The following KIDINS220 variants were observed in gnomAD, a reference collection of about 807,000 sequenced individuals.
KIDINS220 encodes kinase D interacting substrate 220.
Under a neutral mutation model 157.6 loss-of-function variants are expected in KIDINS220, and 63 were observed. The observed-to-expected ratio is 0.40, with a 90% CI of 0.33 to 0.49. The LOEUF (loss-of-function observed/expected upper bound fraction) is 0.49, where lower values mean the gene tolerates loss of function less well. Ranked by LOEUF, KIDINS220 falls within the 20% of genes least tolerant of loss-of-function variation. The pLI, the probability that KIDINS220 is intolerant of heterozygous loss-of-function variation, is 0.66. For missense variants in KIDINS220, 1,772 were observed against 2,171.2 expected (o/e 0.82, Z 3.65); for synonymous variants, 732 against 783.6 (o/e 0.93, Z 1.10).
intron 2 of KIDINS220, 140 bp downstream of exon 2, chr2:8,826,846 C>T (rs1396111622): frequency 7.4e-6 from 3 of 404,472 alleles, no homozygotes; most frequent in Middle Eastern, 4.6e-4. Flanking sequence ...GTACTTTTAA[C>T]TATAAGACAT....
chr2:8,780,241 T>C (rs67993333), intron 17 of KIDINS220, among the ~76,000 whole-genome samples: 18,858 of 152,076 alleles, frequency 0.12, 1,244 homozygotes, highest in Middle Eastern at 0.26. Context: ...GTGGTTCAAT[T>C]TGCTATTTTT....
At chr2:8,808,825 A>G (rs1258087664) in intron 6 of KIDINS220, among the ~76,000 whole-genome samples, 1 of 152,012 alleles carries the variant, frequency 6.6e-6, no homozygotes, top group East Asian at 1.9e-4. Flanking sequence ...GTTCTAACAA[A>G]TTTTTCCAAC....
At chr2:8,799,563 C>T (rs1408058679) in intron 9 of KIDINS220, among the ~76,000 whole-genome samples, 1 of 152,216 alleles carries the variant, frequency 6.6e-6, no homozygotes, top group Non-Finnish European at 1.5e-5. Context: ...GCTAGGCAAT[C>T]AATCATATAC....
intron 8 of KIDINS220, among the ~76,000 whole-genome samples, chr2:8,802,066 G>C (rs1363622665): frequency 1.3e-5 from 2 of 152,308 alleles, no homozygotes; most frequent in South Asian, 2.1e-4. Flanking sequence ...AACAAGCTCA[G>C]TGCATTCAAG....
intron 2 of KIDINS220, among the ~76,000 whole-genome samples, chr2:8,823,392 A>G (rs989619952): frequency 2.6e-5 from 4 of 151,892 alleles, no homozygotes; most frequent in African/African-American, 9.7e-5. Context: ...TTGTAATTCT[A>G]TAAAAATTAC....
chr2:8,727,452 G>T (rs1230695490), downstream of KIDINS220, among the ~76,000 whole-genome samples: 1 of 152,208 alleles, frequency 6.6e-6, no homozygotes, highest in Non-Finnish European at 1.5e-5. Context: ...AGTTAGCCAG[G>T]AATTCAGAGA....
In KIDINS220 at chr2:8,785,790, T is replaced by C. The variant is rs1558417536; in HGVS notation, c.2180A>G (p.His727Arg). The C allele has an allele frequency of 6.2e-7, 1 of 1,614,100 alleles. No individual in the cohort carries two copies. Among genetic ancestry groups the C allele is most frequent in the Non-Finnish European group, 8.5e-7 (1 of 1,180,002 alleles). The change falls in exon 17 of 30, where the codon CAT (histidine) becomes CGT (arginine). Residue 727 changes from histidine (H) to arginine (R), a missense_variant. Transcript: ENST00000256707. ...SLLNSQRKRL[H>R]NAASKLHKLK... ...TTTGTGCAGTTTGGAGGCTGCATTATGGAGGCGTTTTCTTTGGGAATTCAG... is the reference window on the plus strand; with the variant it reads ...TTTGTGCAGTTTGGAGGCTGCATTACGGAGGCGTTTTCTTTGGGAATTCAG...
At chr2:8,813,853 G>A (rs1170586098) in intron 4 of KIDINS220, among the ~76,000 whole-genome samples, 2 of 152,138 alleles carry the variant, frequency 1.3e-5, no homozygotes, top group South Asian at 2.1e-4. Context: ...GAACCCGGGA[G>A]GCAGAGGTTG....
In KIDINS220 at chr2:8,798,203, T is replaced by G; in HGVS notation, c.998A>C (p.Lys333Thr). 1.3e-6 allele frequency: 2 copies of G among 1,580,172 alleles called. No homozygotes were observed. The highest frequency in any genetic ancestry group is 1.7e-6 in the Non-Finnish European group (2 of 1,149,410). The stretch of plus-strand genomic sequence containing the variant: ...ACAGAATAGAAATGCCATTTATACC[T>G]TTGTGCATATTTCAGTGTCAGGATT... ...QCNPDTEICT[K>T]DGETPLIKAT... The change falls in exon 10 of 30, where the codon AAG (lysine) becomes ACG (threonine). Residue 333 changes from lysine to threonine, a missense_variant and splice_region_variant. Physicochemically the swap from Lys to Thr is moderately conservative, Grantham distance 78. This residue lies in a region of KIDINS220 where 725 missense variants were observed against 1,017.1 expected (regional missense o/e 0.71). Transcript: ENST00000256707.
rs751343243 is a variant in KIDINS220, at chr2:8,827,030, T to C, written c.64A>G (p.Lys22Glu). The C allele has an allele frequency of 1.9e-6, 3 of 1,610,674 alleles. No homozygotes were observed. The highest frequency in any genetic ancestry group is 1.1e-5 in the South Asian group (1 of 90,686). The change falls in exon 2 of 30, where the codon AAA becomes GAA. Residue 22 changes from lysine (K) to glutamate (E), a missense_variant. Lys to Glu is a moderately conservative substitution (Grantham distance 56, BLOSUM62 1). Around this residue, in one of 3 missense-constraint regions of KIDINS220, gnomAD observed 254 missense variants for 268.6 expected, o/e 0.95. Transcript: ENST00000256707. Reference sequence around the variant, plus strand: ...TCTTTGCATTTTTCAAGAAGAGCTTTCAGAGCAGGAATGTTTTCTTCCTCT... The same window carrying C: ...TCTTTGCATTTTTCAAGAAGAGCTTCCAGAGCAGGAATGTTTTCTTCCTCT... The part of the protein sequence containing the change: ...YVEEENIPAL[K>E]ALLEKCKDVD...
intron 7 of KIDINS220, among the ~76,000 whole-genome samples, chr2:8,803,927 T>C (rs1325969360): frequency 1.3e-5 from 2 of 152,214 alleles, no homozygotes; most frequent in Non-Finnish European, 2.9e-5. Flanking sequence ...GAGATGTTCA[T>C]CTACTTCAAG....
rs1448555010 is a variant in KIDINS220 at position 8,822,017 on chromosome 2, A to G, written c.109-3224T>C. The stretch of plus-strand genomic sequence containing the variant: ...TAGAAAACACAGGATTACATTCCAC[A>G]TAATCCCCGCTCTACTACTCATAGT... On this transcript the variant is annotated intron_variant, in intron 2 of 29. Coordinates refer to ENST00000256707, the MANE Select transcript of KIDINS220 (RefSeq NM_020738.4). 8.5e-5 allele frequency among the ~76,000 whole-genome samples: 13 copies of G among 152,326 alleles called. No individual in the cohort carries two copies. The East Asian group carries it at 2.1e-3, about 25-fold the overall frequency.
chr2:8,754,970 T>C (rs1258682156), intron 22 of KIDINS220, among the ~76,000 whole-genome samples: 1 of 152,236 alleles, frequency 6.6e-6, no homozygotes, highest in Non-Finnish European at 1.5e-5. Flanking sequence ...ATTTAACTTC[T>C]AATAGACTCT....
chr2:8,823,938 T>C (rs150184102), intron 2 of KIDINS220, among the ~76,000 whole-genome samples: 115 of 152,002 alleles, frequency 7.6e-4, no homozygotes, highest in Middle Eastern at 3.5e-3. Context: ...ATTGAAAATA[T>C]AGGCATTATC....
At chr2:8,743,403 T>C (rs1160345462) in intron 26 of KIDINS220, among the ~76,000 whole-genome samples, 2 of 152,132 alleles carry the variant, frequency 1.3e-5, no homozygotes, top group African/African-American at 4.8e-5. Context: ...CTTTGGGCAG[T>C]AGTAGCAGTA....
intron 16 of KIDINS220, 29 bp from the exon 17 acceptor site, chr2:8,786,059 T>G: frequency 1.3e-6 from 2 of 1,578,600 alleles, no homozygotes; most frequent in Non-Finnish European, 1.7e-6. Context: ...TTTTAATAAT[T>G]AACATATCAA....
chr2:8,757,787 T>A (rs1668212601), intron 22 of KIDINS220: 2 of 1,608,126 alleles, frequency 1.2e-6, no homozygotes, highest in Non-Finnish European at 1.7e-6. Context: ...CTCCACAGCA[T>A]CTGTGTTTGA....
At chr2:8,782,528 A>G (rs1410255506) in intron 17 of KIDINS220, among the ~76,000 whole-genome samples, 1 of 152,242 alleles carries the variant, frequency 6.6e-6, no homozygotes, top group African/African-American at 2.4e-5. Flanking sequence ...AAATTGCATC[A>G]ATAATAATTT....
intron 6 of KIDINS220, among the ~76,000 whole-genome samples, chr2:8,807,734 A>C (rs890007508): frequency 3.3e-5 from 5 of 152,204 alleles, no homozygotes; most frequent in Non-Finnish European, 7.3e-5. Context: ...AATACAGCAC[A>C]TGGGAGCCAG....
Sources: allele counts gnomAD v4.1 joint callset (sites outside exome capture counted in the v4.1 genomes callset), GRCh38; gene constraint gnomAD v4.1.1; regional missense constraint gnomAD v4.1.1; transcripts MANE v1.5; gene names NCBI Gene and HGNC (gene_info 2026-07-23, HGNC 2026-07-21).